The following CENPI variants were observed in gnomAD, a reference collection of about 807,000 sequenced individuals.
The protein encoded by CENPI is FSH primary response 1.
CENPI carries 4 observed loss-of-function variants against 60.4 expected under a neutral mutation model. The ratio of observed to expected loss-of-function variants is 0.07; its 90% CI spans 0.03 to 0.15. The LOEUF is 0.15. Ranked by LOEUF, CENPI falls within the 10% of genes least tolerant of loss-of-function variation. The pLI, the probability that CENPI is intolerant of heterozygous loss-of-function variation, is 1.00. For synonymous variants in CENPI, 157 were observed against 189.4 expected (o/e 0.83, Z 1.40); for missense variants, 444 against 534.5 (o/e 0.83, Z 1.67).
At chrX:101,162,577 G>A (rs980957579) in intron 21 of CENPI, among the ~76,000 whole-genome samples, 2 of 107,753 alleles carry the variant, frequency 1.9e-5, no homozygotes, top group African/African-American at 6.8e-5. Flanking sequence ...ATCTCCTAGA[G>A]TGTGAGAATG....
chrX:101,109,473 G>T lies in CENPI; in HGVS notation c.365G>T (p.Gly122Val). 8.4e-7 allele frequency: 1 copy of T among 1,184,146 alleles called. No homozygotes were observed. The highest frequency in any genetic ancestry group is 1.1e-6 in the Non-Finnish European group (1 of 871,769). Residue 122 changes from glycine (G) to valine (V), a missense_variant and splice_region_variant, in exon 5 of 22, where the codon GGA becomes GTA. Gly to Val is a moderately radical substitution (Grantham distance 109). Transcript: ENST00000682095. ...LLNIALSGKF[G>V]NAVNTRILKC... ...TTAATTTAGCTTGTCTCCTTTCCAG[G>T]AAATGCTGTAAACACACGGATATTG...
At chrX:101,128,028 T>A (rs1419678802) in intron 11 of CENPI, among the ~76,000 whole-genome samples, 2 of 110,808 alleles carry the variant, frequency 1.8e-5, no homozygotes, top group Non-Finnish European at 3.8e-5. Flanking sequence ...TGAAACTCCA[T>A]CTCTATTAAA....
intron 2 of CENPI, among the ~76,000 whole-genome samples, chrX:101,099,611 T>C (rs1283530065): frequency 9.5e-6 from 1 of 105,250 alleles, no homozygotes; most frequent in African/African-American, 3.5e-5. Flanking sequence ...TGAAATACTC[T>C]TCCACCAGAT....
chrX:101,145,145 C>G lies in CENPI; in HGVS notation c.1647C>G (p.Arg549=). 1 of 1,206,062 alleles carries G rather than the reference C, an allele frequency of 8.3e-7. No individual in the cohort carries two copies. The highest frequency in any genetic ancestry group is 1.1e-6 in the Non-Finnish European group (1 of 890,581). ...GGTGGCTATCCACTACTGCAATGCG[C>G]TTGGAGAGCAACAATACTTTCTTGC... is the stretch of plus-strand genomic sequence containing the variant. The part of the protein sequence containing the change: ...YVGWLSTTAM[R]LESNNTFLLH... The change falls in exon 17 of 22, where the codon CGC becomes CGG. Residue 549 remains arginine (R), a synonymous_variant. Transcript: ENST00000682095.
intron 6 of CENPI, among the ~76,000 whole-genome samples, chrX:101,113,295 AC>A: frequency 1.0e-5 from 1 of 99,180 alleles, no homozygotes. Flanking sequence ...ACACACACAC[AC>A]ACACACACAC....
In CENPI at chrX:101,154,189, C is replaced by G. The variant is rs377504126; in HGVS notation, c.2094+6028C>G. 2.7e-5 allele frequency among the ~76,000 whole-genome samples: 3 copies of G among 111,879 alleles called. No individual in the cohort carries two copies. The South Asian group carries it at 1.1e-3, about 42-fold the overall frequency. ...AAATCAGAAAATGTGAGTTCCCCAA[C>G]TTGTTCTTCTTTTTCAAGATTGTTT... On this transcript the variant is annotated intron_variant, in intron 20 of 21. Coordinates refer to ENST00000682095, the MANE Select transcript of CENPI (RefSeq NM_001386188.2).
In CENPI at chrX:101,101,285, A is replaced by G; in HGVS notation, c.215A>G (p.Tyr72Cys). 8.5e-7 allele frequency: 1 copy of G among 1,178,154 alleles called. No individual in the cohort carries two copies. The highest frequency in any genetic ancestry group is 1.2e-6 in the Non-Finnish European group (1 of 864,956). The change falls in exon 3 of 22, where the codon TAT becomes TGT. Residue 72 changes from tyrosine (Y) to cysteine (C), a missense_variant. Physicochemically the swap from Tyr to Cys is radical, Grantham distance 194 (BLOSUM62 -2). Transcript: ENST00000682095. ...GATGCTTTGCAAATGGCAGTGGGAT[A>G]TTTTGAGAAAGGTAAAGGTGGATTG... ...EEDALQMAVGYFEKGPIKASQ... is the reference protein window; with the variant it reads ...EEDALQMAVGCFEKGPIKASQ...
chrX:101,135,774 G>A (rs1232640075), intron 15 of CENPI, among the ~76,000 whole-genome samples: 2 of 111,395 alleles, frequency 1.8e-5, no homozygotes, highest in Non-Finnish European at 3.8e-5. Flanking sequence ...AGGCTGGAGT[G>A]CAGTGGCGTG....
intron 21 of CENPI, 128 bp from the exon 22 acceptor site, chrX:101,162,705 T>TC (rs889498890): frequency 1.6e-5 from 11 of 675,897 alleles, no homozygotes; most frequent in African/African-American, 4.5e-5. Flanking sequence ...TGAGCTCATT[T>TC]CCCCCCCGAA....
At chrX:101,157,648 T>G (rs2090064872) in intron 20 of CENPI, among the ~76,000 whole-genome samples, 3 of 47,461 alleles carry the variant, frequency 6.3e-5, no homozygotes, top group African/African-American at 2.9e-4. Flanking sequence ...AGACCTTGTC[T>G]CAAAAAAAAA....
chrX:101,150,104 T>A (rs897914447), intron 20 of CENPI, among the ~76,000 whole-genome samples: 7 of 109,379 alleles, frequency 6.4e-5, no homozygotes, highest in Admixed American at 2.0e-4. Context: ...TTATAGTGAT[T>A]TTCTGATATT....
intron 20 of CENPI, among the ~76,000 whole-genome samples, chrX:101,155,510 G>C (rs1336947498): frequency 9.1e-6 from 1 of 109,472 alleles, no homozygotes; most frequent in African/African-American, 3.3e-5. Context: ...TATTATGAAT[G>C]GGTGTTAGAT....
chrX:101,100,956 G>C lies in CENPI; in HGVS notation c.-13-102G>C, dbSNP rs757364362. 5 of 503,481 alleles carry C rather than the reference G, an allele frequency of 9.9e-6. No individual in the cohort carries two copies. The South Asian group carries it at 1.4e-4, about 14-fold the overall frequency. 41.5% of individuals were successfully genotyped at this position (503,481 alleles called of 1,213,427 possible). A position where few individuals can be genotyped will look rare whatever the true frequency, so the allele number is the denominator to read the frequency against. On this transcript the variant is annotated intron_variant, in intron 2 of 21. Transcript: ENST00000682095. ...CTTATTTATTGTATGCCTGTTGTATGCTAGCTATTGTATACTAAATACTGG... is the reference window on the plus strand; with the variant it reads ...CTTATTTATTGTATGCCTGTTGTATCCTAGCTATTGTATACTAAATACTGG...
the CENPI span, among the ~76,000 whole-genome samples, chrX:101,175,180 T>C: frequency 8.9e-6 from 1 of 112,535 alleles, no homozygotes; most frequent in African/African-American, 3.2e-5. Flanking sequence ...AGGTGAGGAT[T>C]ATAACAATTA....
At chrX:101,169,314 G>C (rs1194270296), downstream of CENPI, among the ~76,000 whole-genome samples, 3 of 112,270 alleles carry the variant, frequency 2.7e-5, no homozygotes, top group East Asian at 8.4e-4. Context: ...GGAAATATAA[G>C]CAAATCAAAT....
chrX:101,117,603 C>T (rs1275196450), intron 6 of CENPI, among the ~76,000 whole-genome samples: 2 of 112,167 alleles, frequency 1.8e-5, no homozygotes, highest in African/African-American at 6.5e-5. Flanking sequence ...TCTTGCTGTC[C>T]TGTTCAACAC....
intron 20 of CENPI, among the ~76,000 whole-genome samples, chrX:101,155,252 C>T (rs1388805974): frequency 9.0e-6 from 1 of 111,174 alleles, no homozygotes; most frequent in Admixed American, 9.6e-5. Context: ...TGCAGTAGTG[C>T]AGTCTTGGCT....
chrX:101,127,333 G>A, intron 10 of CENPI, 67 bp downstream of exon 10: 1 of 1,029,048 alleles, frequency 9.7e-7, no homozygotes. Context: ...TAACCATTCA[G>A]ATCTTAGAGG....
chrX:101,104,462 T>A (rs1405493376), intron 4 of CENPI, among the ~76,000 whole-genome samples: 1 of 111,649 alleles, frequency 9.0e-6, no homozygotes, highest in Non-Finnish European at 1.9e-5. Flanking sequence ...CATTTAAAGG[T>A]GAGGAAAAAG....
Sources: gnomAD v4.1 joint callset for allele counts (sites outside exome capture counted in the v4.1 genomes callset) on GRCh38, gnomAD v4.1.1 for gene constraint, MANE v1.5 for transcripts, NCBI Gene and HGNC (gene_info 2026-07-23, HGNC 2026-07-21) for gene names.